Variants in SYT1 observed in about 807,000 individuals in gnomAD.
SYT1 encodes the protein synaptotagmin-1.
SYT1 carries 8 observed loss-of-function variants against 44.8 expected under a neutral mutation model. The ratio of observed to expected loss-of-function variants is 0.18; its 90% confidence interval spans 0.10 to 0.32. The LOEUF is 0.32. Among genes scored for constraint, SYT1 ranks in the 10% least tolerant of loss-of-function variants. The pLI, the probability that SYT1 is intolerant of heterozygous loss-of-function variation, is 1.00. For synonymous variants in SYT1, 154 were observed against 188.8 expected, an observed-to-expected ratio of 0.82 and a Z score of 1.51; for missense variants, 286 against 509.3, an observed-to-expected ratio of 0.56 and a Z score of 4.22.
intron 8 of SYT1, among the ~76,000 whole-genome samples, chr12:79,324,107 C>T (rs187085664): frequency 1.3e-5 from 2 of 152,026 alleles, no homozygotes; most frequent in East Asian, 3.9e-4. Flanking sequence ...CACGCCACCA[C>T]TCCTGGCTAA....
At chr12:78,899,662 G>A (rs1875553235) in intron 1 of SYT1, among the ~76,000 whole-genome samples, 1 of 151,490 alleles carries the variant, frequency 6.6e-6, no homozygotes, top group African/African-American at 2.4e-5. Context: ...GAAATTTAAT[G>A]TAGCGCTTAA....
intron 9 of SYT1, among the ~76,000 whole-genome samples, chr12:79,419,972 A>G (rs951712039): frequency 2.0e-5 from 3 of 152,118 alleles, no homozygotes; most frequent in Non-Finnish European, 4.4e-5. Flanking sequence ...ACTTGACTCC[A>G]TATTTCATTC....
chr12:79,204,959 C>CTTTT lies in SYT1; in HGVS notation c.-17-12524_-17-12521dup, dbSNP rs35259216. ...AAGAGAGACTTTGCTCCTGTTGTAA[C>CTTTT]TTTTTTTTTTTTTTTTTTTTTTTGA... On this transcript the variant is annotated intron_variant, in intron 3 of 10. Coordinates refer to ENST00000261205, the MANE Select transcript of SYT1 (RefSeq NM_005639.3). Among the ~76,000 whole-genome samples the CTTTT allele has an allele frequency of 1.3e-3, 3 of 2,226 alleles. 1 individual carries two copies. The highest frequency in any genetic ancestry group is 2.1e-3 in the Non-Finnish European group (3 of 1,424). 1.5% of individuals were successfully genotyped at this position (2,226 alleles called of 152,430 possible). A position where few individuals can be genotyped will look rare whatever the true frequency, so the allele number is the denominator to read the frequency against.
intron 2 of SYT1, among the ~76,000 whole-genome samples, chr12:79,035,637 A>C (rs1169271450): frequency 6.6e-6 from 1 of 151,446 alleles, no homozygotes; most frequent in Non-Finnish European, 1.5e-5. Flanking sequence ...AAAGCCACCC[A>C]TTCTGCCATC....
intron 2 of SYT1, among the ~76,000 whole-genome samples, chr12:79,025,401 A>G (rs1274647102): frequency 4.6e-5 from 7 of 151,716 alleles, no homozygotes. Context: ...CCTGGAAATG[A>G]TGCTTAAATT....
At position 78,972,304 on chromosome 12, in the gene SYT1, C is replaced by T. The variant is rs185528280; in HGVS notation, c.-216-5495C>T. ...ATATATCATCTGTGATTTGCTTATA[C>T]GTAAGGTCAAAAACCTAAGGTAATG... On this transcript the variant is annotated intron_variant, in intron 1 of 10. Transcript: ENST00000261205. 1.3e-3 allele frequency among the ~76,000 whole-genome samples: 200 copies of T among 152,034 alleles called. 2 individuals are homozygous for T. Among genetic ancestry groups the T allele is most frequent in the African/African-American group, 4.6e-3 (190 of 41,502 alleles).
At chr12:79,440,648 T>C (rs1202818297) in intron 9 of SYT1, among the ~76,000 whole-genome samples, 2 of 152,200 alleles carry the variant, frequency 1.3e-5, no homozygotes, top group Non-Finnish European at 2.9e-5. Context: ...TGTGTTTTAT[T>C]ATGCAATCAC....
At chr12:78,950,294 A>G (rs1164557497) in intron 1 of SYT1, among the ~76,000 whole-genome samples, 1 of 152,094 alleles carries the variant, frequency 6.6e-6, no homozygotes, top group African/African-American at 2.4e-5. Context: ...AAATAACTGC[A>G]TCATAATTCA....
intron 3 of SYT1, among the ~76,000 whole-genome samples, chr12:79,111,637 C>G (rs1879017033): frequency 6.6e-6 from 1 of 151,464 alleles, no homozygotes; most frequent in South Asian, 2.1e-4. Flanking sequence ...CTTATAATAC[C>G]TCATTCTATT....
At chr12:79,037,041 T>A (rs1873179908) in intron 2 of SYT1, among the ~76,000 whole-genome samples, 1 of 151,844 alleles carries the variant, frequency 6.6e-6, no homozygotes, top group South Asian at 2.1e-4. Flanking sequence ...GTAACCTTAT[T>A]AATTGAACAT....
chr12:79,239,409 T>A (rs962627156), intron 4 of SYT1, among the ~76,000 whole-genome samples: 1 of 152,180 alleles, frequency 6.6e-6, no homozygotes, highest in African/African-American at 2.4e-5. Context: ...TAATGTGGTG[T>A]CCTGGAACAG....
intron 2 of SYT1, among the ~76,000 whole-genome samples, chr12:79,038,369 T>C (rs1873284302): frequency 6.6e-6 from 1 of 151,734 alleles, no homozygotes; most frequent in Non-Finnish European, 1.5e-5. Context: ...AGTTAATTGT[T>C]TTATTTCCCA....
At chr12:79,060,105 C>T (rs186427200) in intron 3 of SYT1, among the ~76,000 whole-genome samples, 2 of 152,166 alleles carry the variant, frequency 1.3e-5, no homozygotes, top group East Asian at 3.9e-4. Flanking sequence ...ATCTCAGAAC[C>T]TGACACAGCG....
Position 79,353,513 on chromosome 12 carries a change from G to C in SYT1, c.822G>C (p.Leu274Phe). The C allele has an allele frequency of 6.2e-7, 1 of 1,613,180 alleles. No homozygotes were observed. Residue 274 changes from leucine (L) to phenylalanine (F), a missense_variant, in exon 9 of 11, where the codon TTG becomes TTC. Transcript: ENST00000261205. ...QSAEKEEQEK[L>F]GDICFSLRYV... ...ATTGGTTTTCTTAGCAAGAGAAATT[G>C]GGTGATATCTGCTTCTCCCTTCGCT...
chr12:79,156,067 C>T (rs1187887564), intron 3 of SYT1, among the ~76,000 whole-genome samples: 1 of 152,138 alleles, frequency 6.6e-6, no homozygotes, highest in Non-Finnish European at 1.5e-5. Context: ...TATCAAGTAC[C>T]GTATGCCAAG....
intron 1 of SYT1, among the ~76,000 whole-genome samples, chr12:78,883,285 A>T (rs762591736): frequency 5.9e-5 from 9 of 151,696 alleles, no homozygotes; most frequent in Non-Finnish European, 8.9e-5. Flanking sequence ...GTACCGACCT[A>T]GCAATACATG....
rs904771093 is a variant in SYT1 at position 79,004,593 on chromosome 12, T to C, written c.-84+26662T>C. ...AAAGATTTGATGTTGCAATTGCTTT[T>C]GGATATTTTATTAGTACAGTAGCAA... On this transcript the variant is annotated intron_variant, in intron 2 of 10. Coordinates refer to ENST00000261205, the MANE Select transcript of SYT1 (RefSeq NM_005639.3). Among the ~76,000 whole-genome samples, 12 of 152,006 alleles carry C rather than the reference T, an allele frequency of 7.9e-5. 1 individual carries two copies. The highest frequency in any genetic ancestry group is 1.3e-4 in the Non-Finnish European group (9 of 67,896).
chr12:78,901,013 A>C (rs921026385), intron 1 of SYT1, among the ~76,000 whole-genome samples: 1 of 152,152 alleles, frequency 6.6e-6, no homozygotes, highest in Non-Finnish European at 1.5e-5. Context: ...AATTGAACAA[A>C]ATCTAAACCA....
intron 9 of SYT1, among the ~76,000 whole-genome samples, chr12:79,431,446 T>C (rs1170338755): frequency 1.3e-5 from 2 of 152,022 alleles, no homozygotes; most frequent in Non-Finnish European, 2.9e-5. Flanking sequence ...CACAGAATTA[T>C]ATTACTCCAT....
Sources: gnomAD v4.1 joint callset for allele counts (sites outside exome capture counted in the v4.1 genomes callset) on GRCh38, gnomAD v4.1.1 for gene constraint, MANE v1.5 for transcripts, NCBI Gene and HGNC (gene_info 2026-07-23, HGNC 2026-07-21) for gene names.